DNM1L: variants seen among roughly 807,000 people sequenced by gnomAD.
DNM1L encodes the protein dynamin-1-like protein.
Under a neutral mutation model 92.8 loss-of-function variants are expected in DNM1L, and 33 were observed. The ratio of observed to expected loss-of-function variants is 0.36; its 90% CI spans 0.27 to 0.48. The LOEUF (loss-of-function observed/expected upper bound fraction) is 0.48. DNM1L is among the 20% of genes least tolerant of loss of function. The pLI, the probability that DNM1L is intolerant of heterozygous loss-of-function variation, is 0.99. For missense variants in DNM1L, 485 were observed against 888.8 expected, an observed-to-expected ratio of 0.55 and a Z score of 5.78; for synonymous variants, 284 against 305.0, an observed-to-expected ratio of 0.93 and a Z score of 0.72.
intron 1 of DNM1L, among the ~76,000 whole-genome samples, chr12:32,699,082 G>C (rs1414527192): frequency 6.6e-6 from 1 of 151,996 alleles, no homozygotes; most frequent in African/African-American, 2.4e-5. Flanking sequence ...GAACGGCCTT[G>C]TTCTTAGGAG....
intron 1 of DNM1L, among the ~76,000 whole-genome samples, chr12:32,700,663 G>A (rs114276756): frequency 0.024 from 3,655 of 152,002 alleles, 90 homozygotes; most frequent in African/African-American, 0.068. Context: ...GAGGATCACC[G>A]GATCCTGGGG....
chr12:32,734,101 T>TACA (rs1954726851), intron 13 of DNM1L, among the ~76,000 whole-genome samples: 3 of 152,344 alleles, frequency 2.0e-5, no homozygotes, highest in Non-Finnish European at 4.4e-5. Flanking sequence ...GGGAAGTGTG[T>TACA]ACAACAAAGT....
chr12:32,702,085 T>G (rs1469902991), intron 2 of DNM1L, among the ~76,000 whole-genome samples: 1 of 151,540 alleles, frequency 6.6e-6, no homozygotes, highest in African/African-American at 2.4e-5. Flanking sequence ...AATACAAAAA[T>G]TAGCCAGATT....
chr12:32,742,560 A>G, intron 18 of DNM1L, 29 bp from the exon 19 acceptor site: 1 of 1,613,798 alleles, frequency 6.2e-7, no homozygotes, highest in African/African-American at 1.3e-5. Context: ...ATTTTGGCTA[A>G]AATTCCATAA....
chr12:32,722,528 C>A lies in DNM1L; in HGVS notation c.974C>A (p.Pro325His). ...YQSLLNSYGE[P>H]VDDKSATLLQ... is the part of the protein sequence containing the mutation. ...TCTCTTCTAAATAGCTACGGTGAAC[C>A]CGTGGATGATAAAAGTGCTACTTTA... Residue 325 changes from proline to histidine, a missense_variant, in exon 9 of 20, where the codon CCC becomes CAC. By Grantham distance (77) the Pro-to-His change is moderately conservative. Coordinates refer to ENST00000549701, the MANE Select transcript of DNM1L (RefSeq NM_012062.5). 6.2e-7 allele frequency: 1 copy of A among 1,613,358 alleles called. No individual in the cohort carries two copies. The highest frequency in any genetic ancestry group is 8.5e-7 in the Non-Finnish European group (1 of 1,179,898).
At chr12:32,709,023 T>C (rs1953027644) in intron 4 of DNM1L, among the ~76,000 whole-genome samples, 1 of 152,196 alleles carries the variant, frequency 6.6e-6, no homozygotes, top group South Asian at 2.1e-4. Context: ...AATCCTTGTA[T>C]CTGCCAGTTA....
intron 1 of DNM1L, 30 bp downstream of exon 1, chr12:32,679,495 C>G (rs1592548382): frequency 6.3e-7 from 1 of 1,588,516 alleles, no homozygotes; most frequent in Non-Finnish European, 8.6e-7. Context: ...TTCGCTCGGG[C>G]CAGACCCCGG....
intron 6 of DNM1L, 42 bp from the exon 7 acceptor site, chr12:32,718,601 T>C: frequency 6.2e-7 from 1 of 1,612,306 alleles, no homozygotes; most frequent in Non-Finnish European, 8.5e-7. Flanking sequence ...ATGGATCATT[T>C]TCTTTCTTTT....
chr12:32,696,278 G>T (rs1286558323), intron 1 of DNM1L, among the ~76,000 whole-genome samples: 1 of 152,048 alleles, frequency 6.6e-6, no homozygotes, highest in African/African-American at 2.4e-5. Context: ...GCTCATACCT[G>T]TAGTCCCAAC....
chr12:32,734,940 C>T (rs1158006001), intron 13 of DNM1L, among the ~76,000 whole-genome samples: 2 of 152,166 alleles, frequency 1.3e-5, no homozygotes, highest in African/African-American at 4.8e-5. Flanking sequence ...GGTTACATAG[C>T]TGGGGGTGAT....
At chr12:32,701,304 T>C (rs1438796105) in intron 1 of DNM1L, 111 bp from the exon 2 acceptor site, 1 of 953,618 alleles carries the variant, frequency 1.0e-6, no homozygotes, top group Non-Finnish European at 1.6e-6. Context: ...GTCTCTGCAC[T>C]AATTTTTCCT....
At chr12:32,715,481 C>A (rs887972336) in intron 6 of DNM1L, among the ~76,000 whole-genome samples, 2 of 151,844 alleles carry the variant, frequency 1.3e-5, no homozygotes, top group African/African-American at 4.8e-5. Context: ...ACTTGTAATC[C>A]CAGCACTTTG....
At chr12:32,733,932 T>A in intron 13 of DNM1L, 125 bp downstream of exon 13, 2 of 811,106 alleles carry the variant, frequency 2.5e-6, no homozygotes, top group Non-Finnish European at 2.1e-6. Flanking sequence ...CTGCTGCATG[T>A]CAGGAAATAT....
intron 9 of DNM1L, chr12:32,725,110 A>G (rs1954047746): frequency 6.6e-6 from 1 of 151,396 alleles, no homozygotes; most frequent in Non-Finnish European, 1.5e-5. Context: ...ACACTTGCTT[A>G]TTAGTATAGT....
chr12:32,729,803 A>G (rs1243424127), intron 9 of DNM1L, among the ~76,000 whole-genome samples: 1 of 152,156 alleles, frequency 6.6e-6, no homozygotes, highest in Non-Finnish European at 1.5e-5. Context: ...TAGATATTTC[A>G]TATAAATTGA....
intron 2 of DNM1L, among the ~76,000 whole-genome samples, chr12:32,703,226 CTT>C (rs905488973): frequency 4.6e-5 from 7 of 151,956 alleles, no homozygotes; most frequent in African/African-American, 1.7e-4. Context: ...TTTGGTATCT[CTT>C]TGTTTTTATG....
At chr12:32,704,320 C>G (rs1020136534) in intron 2 of DNM1L, among the ~76,000 whole-genome samples, 1 of 152,022 alleles carries the variant, frequency 6.6e-6, no homozygotes, top group Admixed American at 6.6e-5. Flanking sequence ...GAGGCCGAGG[C>G]GGGTGGATCA....
chr12:32,695,462 G>A (rs1298268172), intron 1 of DNM1L, among the ~76,000 whole-genome samples: 4 of 152,118 alleles, frequency 2.6e-5, no homozygotes, highest in African/African-American at 9.7e-5. Flanking sequence ...TTAAGTGATA[G>A]TGAAGTATTA....
At chr12:32,681,357 C>A (rs1467792715) in intron 1 of DNM1L, among the ~76,000 whole-genome samples, 1 of 152,166 alleles carries the variant, frequency 6.6e-6, no homozygotes, top group East Asian at 1.9e-4. Context: ...TCAAGACCAG[C>A]CTGGGCAACG....
Sources: gnomAD v4.1 joint callset for allele counts (sites outside exome capture counted in the v4.1 genomes callset) on GRCh38, gnomAD v4.1.1 for gene constraint, MANE v1.5 for transcripts, NCBI Gene and HGNC (gene_info 2026-07-23, HGNC 2026-07-21) for gene names.